SYTL5: variants seen among roughly 807,000 people sequenced by gnomAD.
SYTL5 encodes the protein synaptotagmin like 5, also known as synaptotagmin-like protein 5.
In SYTL5, 34 loss-of-function variants were observed where a neutral mutation model predicts 55.9. The observed-to-expected ratio is 0.61, with a 90% CI of 0.46 to 0.81. The LOEUF is 0.81. Ranked by LOEUF, SYTL5 falls within the 30% of genes least tolerant of loss-of-function variation. The pLI is 0.00. For synonymous variants in SYTL5, 221 were observed against 188.7 expected, an observed-to-expected ratio of 1.17 and a Z score of -1.40; for missense variants, 637 against 546.7, an observed-to-expected ratio of 1.17 and a Z score of -1.65.
intron 7 of SYTL5, among the ~76,000 whole-genome samples, chrX:38,092,592 T>C (rs986494706): frequency 2.7e-5 from 3 of 111,398 alleles, no homozygotes; most frequent in Admixed American, 1.9e-4. Flanking sequence ...TGTTCTTTCG[T>C]GTGCTTTGTT....
chrX:38,114,588 A>G (rs1363528739), intron 13 of SYTL5, among the ~76,000 whole-genome samples: 1 of 112,041 alleles, frequency 8.9e-6, no homozygotes, highest in African/African-American at 3.2e-5. Context: ...TTTATCATGT[A>G]AAATATGGTT....
chrX:37,980,743 C>T, the SYTL5 span, among the ~76,000 whole-genome samples: 18,967 of 105,875 alleles, frequency 0.18, 2,602 homozygotes, highest in African/African-American at 0.47. Context: ...CCCGCAGCTA[C>T]CTGTTGCTAA....
At chrX:38,121,792 C>G (rs752845813) in intron 14 of SYTL5, among the ~76,000 whole-genome samples, 3 of 112,383 alleles carry the variant, frequency 2.7e-5, no homozygotes, top group Non-Finnish European at 5.6e-5. Flanking sequence ...GCATTCCATG[C>G]CTTTATACCC....
the SYTL5 span, among the ~76,000 whole-genome samples, chrX:37,993,157 C>T: frequency 6.2e-5 from 7 of 112,125 alleles, no homozygotes; most frequent in Non-Finnish European, 1.1e-4. Flanking sequence ...CTCATTTACA[C>T]AGCTCTCCAG....
At chrX:38,081,752 G>A (rs1489623481) in intron 6 of SYTL5, among the ~76,000 whole-genome samples, 2 of 111,853 alleles carry the variant, frequency 1.8e-5, no homozygotes, top group Non-Finnish European at 3.8e-5. Context: ...ATCCAGTTAA[G>A]AGATAGGGAA....
At chrX:38,077,292 T>C (rs1485264028) in intron 6 of SYTL5, among the ~76,000 whole-genome samples, 2 of 111,507 alleles carry the variant, frequency 1.8e-5, no homozygotes, top group Admixed American at 1.9e-4. Flanking sequence ...CTGTATCCTA[T>C]TGGAGCATAG....
Position 38,120,409 on chromosome X carries a change from G to A in SYTL5, c.1648G>A (p.Val550Ile). 2 of 1,211,363 alleles carry A rather than the reference G, an allele frequency of 1.7e-6. No individual in the cohort carries two copies. The highest frequency in any genetic ancestry group is 2.2e-6 in the Non-Finnish European group (2 of 895,178). ...GLQYKGELTV[V>I]LRYIPPEENL... ...TCAATACAAAGGAGAGCTGACAGTT[G>A]TTTTACGTTACATTCCCCCAGAAGA... is the stretch of plus-strand genomic sequence containing the variant. The change falls in exon 14 of 17, where the codon GTT becomes ATT. Residue 550 changes from valine to isoleucine, a missense_variant. Transcript: ENST00000297875.
the SYTL5 span, among the ~76,000 whole-genome samples, chrX:37,925,245 T>C: frequency 1.8e-5 from 2 of 112,201 alleles, no homozygotes; most frequent in African/African-American, 6.5e-5. Context: ...TAGTATTCTA[T>C]TGTGTATATA....
upstream of SYTL5, among the ~76,000 whole-genome samples, chrX:38,006,351 C>T (rs1933988137): frequency 9.0e-6 from 1 of 111,234 alleles, no homozygotes. Flanking sequence ...TAAAAAATAC[C>T]TCATGTCAAA....
chrX:38,127,763 G>A lies in SYTL5; in HGVS notation c.*1033G>A, dbSNP rs1937692537. On this transcript the variant is annotated 3_prime_UTR_variant, in exon 17 of 17. Coordinates refer to ENST00000297875, the MANE Select transcript of SYTL5 (RefSeq NM_138780.3). The stretch of plus-strand genomic sequence containing the variant: ...TAAAATGACCATCCTTTTTCTCACA[G>A]TTATGAAGATTGGCTATGGCACCTC... 8.9e-6 allele frequency: 1 copy of A among 112,176 alleles called. No individual in the cohort carries two copies. Among genetic ancestry groups the A allele is most frequent in the Admixed American group, 9.5e-5 (1 of 10,578 alleles). 9.2% of individuals were successfully genotyped at this position (112,176 alleles called of 1,213,427 possible). A position where few individuals can be genotyped will look rare whatever the true frequency, so the allele number is the denominator to read the frequency against.
At chrX:38,080,243 T>C (rs1936496359) in intron 6 of SYTL5, among the ~76,000 whole-genome samples, 1 of 111,222 alleles carries the variant, frequency 9.0e-6, no homozygotes, top group African/African-American at 3.3e-5. Flanking sequence ...AAAAACAGAG[T>C]AAAACTAGAA....
intron 1 of SYTL5, among the ~76,000 whole-genome samples, chrX:38,027,196 G>A (rs755893977): frequency 7.4e-4 from 83 of 111,992 alleles, no homozygotes; most frequent in Middle Eastern, 4.6e-3. Flanking sequence ...AAAATTTTCA[G>A]TAAACTTATT....
the SYTL5 span, among the ~76,000 whole-genome samples, chrX:37,974,355 C>T: frequency 8.9e-6 from 1 of 111,945 alleles, no homozygotes. Context: ...TATTATATGA[C>T]TTTATATATA....
At chrX:37,958,084 C>T in the SYTL5 span, among the ~76,000 whole-genome samples, 29 of 109,260 alleles carry the variant, frequency 2.7e-4, no homozygotes, top group Admixed American at 2.8e-3. Context: ...TAGTGGGCAC[C>T]TGTAATCCCA....
the SYTL5 span, among the ~76,000 whole-genome samples, chrX:37,951,088 T>C: frequency 1.8e-5 from 2 of 111,002 alleles, no homozygotes; most frequent in African/African-American, 3.3e-5. Context: ...AAAAGAATTT[T>C]TTTTTCAAAG....
At chrX:38,025,171 C>T (rs1934721288) in intron 1 of SYTL5, among the ~76,000 whole-genome samples, 1 of 112,042 alleles carries the variant, frequency 8.9e-6, no homozygotes, top group South Asian at 3.7e-4. Context: ...TCTAAGCATC[C>T]TAAACATCTC....
At chrX:37,891,747 A>G in the SYTL5 span, among the ~76,000 whole-genome samples, 44 of 111,795 alleles carry the variant, frequency 3.9e-4, no homozygotes, top group Middle Eastern at 4.6e-3. Flanking sequence ...GGCAAATATC[A>G]TAGGTATACT....
At chrX:37,981,182 AC>A in the SYTL5 span, among the ~76,000 whole-genome samples, 20 of 112,611 alleles carry the variant, frequency 1.8e-4, no homozygotes, top group African/African-American at 6.5e-4. Context: ...GTTTTAAAAG[AC>A]AGTTGAGAGT....
intron 1 of SYTL5, 100 bp downstream of exon 1, chrX:38,006,768 AG>A (rs1421200403): frequency 9.0e-6 from 1 of 111,660 alleles, no homozygotes; most frequent in African/African-American, 3.2e-5. Context: ...CTGGTCAGGA[AG>A]AAAACAGCTC....
Sources: gnomAD v4.1 joint callset for allele counts (sites outside exome capture counted in the v4.1 genomes callset) on GRCh38, gnomAD v4.1.1 for gene constraint, MANE v1.5 for transcripts, NCBI Gene and HGNC (gene_info 2026-07-23, HGNC 2026-07-21) for gene names.